Variants in BTBD3 observed in about 807,000 individuals in gnomAD.
BTBD3 encodes BTB domain containing 3.
A neutral mutation model predicts 41.6 loss-of-function variants in BTBD3; 14 were observed. The observed-to-expected ratio is 0.34, with a 90% CI of 0.22 to 0.53. BTBD3 has a LOEUF of 0.53. Ranked by LOEUF, BTBD3 falls within the 20% of genes least tolerant of loss-of-function variation. The pLI, the probability that BTBD3 is intolerant of heterozygous loss-of-function variation, is 0.95. For missense variants in BTBD3, 426 were observed against 654.7 expected, an observed-to-expected ratio of 0.65 and a Z score of 3.81; for synonymous variants, 249 against 233.7, an observed-to-expected ratio of 1.07 and a Z score of -0.60.
At chr20:11,896,491 G>A (rs1349244733) in intron 1 of BTBD3, among the ~76,000 whole-genome samples, 1 of 152,162 alleles carries the variant, frequency 6.6e-6, no homozygotes, top group African/African-American at 2.4e-5. Flanking sequence ...TTAGCATTCT[G>A]TAACGTTATA....
At chr20:11,895,499 G>T (rs1332251766) in intron 1 of BTBD3, among the ~76,000 whole-genome samples, 1 of 152,126 alleles carries the variant, frequency 6.6e-6, no homozygotes, top group Non-Finnish European at 1.5e-5. Flanking sequence ...CATTTGTAGG[G>T]TCTTCTTGGG....
At chr20:11,913,619 A>G (rs554379262), upstream of BTBD3, 2 of 152,274 alleles carry the variant, frequency 1.3e-5, no homozygotes, top group South Asian at 4.1e-4. Flanking sequence ...GTGTTGCCCC[A>G]CTTCTTTACT....
chr20:11,917,601 T>C (rs2056927023), upstream of BTBD3, among the ~76,000 whole-genome samples: 1 of 152,232 alleles, frequency 6.6e-6, no homozygotes, highest in South Asian at 2.1e-4. Flanking sequence ...CTTTGTTAAT[T>C]GATCCTGCTT....
At chr20:11,903,302 T>A (rs367776047) in intron 1 of BTBD3, among the ~76,000 whole-genome samples, 1 of 152,190 alleles carries the variant, frequency 6.6e-6, no homozygotes, top group Non-Finnish European at 1.5e-5. Flanking sequence ...ATCTTAAACA[T>A]TGGCAGCCAT....
At chr20:11,919,059 G>T (rs1181681107) in intron 1 of BTBD3, 27 bp from the exon 2 acceptor site, 1 of 1,561,678 alleles carries the variant, frequency 6.4e-7, no homozygotes, top group Non-Finnish European at 8.8e-7. Context: ...AGGCTGCTGT[G>T]AATTAATGAG....
rs867698326 is a variant in BTBD3 at position 11,923,059 on chromosome 20, G to A, written c.962G>A (p.Arg321His). The change falls in exon 4 of 4, where the codon CGC (arginine) becomes CAC (histidine). Residue 321 changes from arginine to histidine, a missense_variant. Physicochemically the swap from Arg to His is conservative, Grantham distance 29. Coordinates refer to ENST00000378226, the MANE Select transcript of BTBD3 (RefSeq NM_014962.4). The surrounding 1 kb of genome is among the most constrained non-coding windows in gnomAD (Gnocchi z 5.3). The part of the protein sequence containing the change: ...KVLGKALYLI[R>H]IPTMALDDFA... ...CTAGGAAAGGCACTTTACTTGATCC[G>A]CATACCCACAATGGCCCTCGATGAT... 1.2e-6 allele frequency: 2 copies of A among 1,614,018 alleles called. No homozygotes were observed. Among genetic ancestry groups the A allele is most frequent in the South Asian group, 1.1e-5 (1 of 91,084 alleles).
At chr20:11,918,829 G>A in intron 1 of BTBD3, 1 of 576,874 alleles carries the variant, frequency 1.7e-6, no homozygotes, top group Non-Finnish European at 3.0e-6. Context: ...GGTTGTCTAT[G>A]GGCCATAGAA....
chr20:11,900,958 G>T (rs2122196489), intron 1 of BTBD3, among the ~76,000 whole-genome samples: 1 of 152,154 alleles, frequency 6.6e-6, no homozygotes, highest in African/African-American at 2.4e-5. Flanking sequence ...TGATCTGCCT[G>T]CCTCAGCCTC....
At position 11,923,269 on chromosome 20, in the gene BTBD3, G is replaced by A. The variant is rs368565346; in HGVS notation, c.1172G>A (p.Arg391His). The A allele has an allele frequency of 1.1e-5, 17 of 1,614,086 alleles. No individual in the cohort carries two copies. Among genetic ancestry groups the A allele is most frequent in the African/African-American group, 5.3e-5 (4 of 74,932 alleles). ...TATCGAAGCAACCAATGGCGCTATCGTGGTCGCTGTGACAGCATCCAGTTT... is the reference window on the plus strand; with the variant it reads ...TATCGAAGCAACCAATGGCGCTATCATGGTCGCTGTGACAGCATCCAGTTT... ...CAYRSNQWRY[R>H]GRCDSIQFAV... The change falls in exon 4 of 4, where the codon CGT becomes CAT. Residue 391 changes from arginine to histidine, a missense_variant. Physicochemically the swap from Arg to His is conservative, Grantham distance 29. This residue lies in a region of BTBD3 where 321 missense variants were observed against 534.8 expected (regional missense o/e 0.60). Coordinates refer to ENST00000378226, the MANE Select transcript of BTBD3 (RefSeq NM_014962.4). The surrounding 1 kb of genome is among the most constrained non-coding windows in gnomAD (Gnocchi z 5.3).
At position 11,920,368 on chromosome 20, in the gene BTBD3, C is replaced by T. The variant is rs75710119; in HGVS notation, c.536+532C>T. On this transcript the variant is annotated intron_variant, in intron 3 of 3. Coordinates refer to ENST00000378226, the MANE Select transcript of BTBD3 (RefSeq NM_014962.4). ...ACATACTCATATAAAATCAGACACT[C>T]TCAAGGGTAAAAAGTACTTGCATTT... Among the ~76,000 whole-genome samples, 10 of 152,256 alleles carry T rather than the reference C, an allele frequency of 6.6e-5. No individual in the cohort carries two copies. The East Asian group carries it at 1.7e-3, about 26-fold the overall frequency.
At chr20:11,911,598 G>C (rs2056889942) in intron 1 of BTBD3, among the ~76,000 whole-genome samples, 1 of 152,152 alleles carries the variant, frequency 6.6e-6, no homozygotes, top group Non-Finnish European at 1.5e-5. Flanking sequence ...ATCTCATAAT[G>C]TTTTAAGAAA....
intron 1 of BTBD3, among the ~76,000 whole-genome samples, chr20:11,898,361 A>AC (rs377754824): frequency 0.013 from 1,887 of 150,322 alleles, 30 homozygotes; most frequent in African/African-American, 0.04. Flanking sequence ...TATTTATCCT[A>AC]CCCCCCCAGC....
At chr20:11,901,261 T>G (rs1017293610) in intron 1 of BTBD3, among the ~76,000 whole-genome samples, 2 of 152,172 alleles carry the variant, frequency 1.3e-5, no homozygotes, top group Non-Finnish European at 2.9e-5. Flanking sequence ...GACATCAGTG[T>G]TGGGTGGAGG....
intron 1 of BTBD3, among the ~76,000 whole-genome samples, chr20:11,899,967 T>G (rs8126083): frequency 0.016 from 2,427 of 152,260 alleles, 63 homozygotes; most frequent in African/African-American, 0.054. Flanking sequence ...AATGTGAAAA[T>G]TTTCTTCAAC....
At chr20:11,917,262 A>T (rs1237117342), upstream of BTBD3, among the ~76,000 whole-genome samples, 1 of 152,140 alleles carries the variant, frequency 6.6e-6, no homozygotes, top group East Asian at 1.9e-4. Flanking sequence ...GCTTTAGTGT[A>T]CTTAGGTGTA....
upstream of BTBD3, among the ~76,000 whole-genome samples, chr20:11,917,024 A>C (rs372141175): frequency 9.1e-4 from 138 of 152,314 alleles, no homozygotes; most frequent in Non-Finnish European, 1.8e-3. Context: ...GTGGAATCCG[A>C]ACATTTATCA....
At chr20:11,890,823 T>G in exon 1 of BTBD3, 2 of 985,052 alleles carry the variant, frequency 2.0e-6, no homozygotes, top group Non-Finnish European at 2.4e-6. Flanking sequence ...CCGCAGAGCG[T>G]GCCCTGCGTG....
chr20:11,919,556 C>A (rs186821602), intron 2 of BTBD3, 162 bp from the exon 3 acceptor site: 871 of 1,124,800 alleles, frequency 7.7e-4, no homozygotes, highest in Non-Finnish European at 1.1e-3. Flanking sequence ...TGGTCTTATG[C>A]TTCCATGGCA....
chr20:11,892,808 CTT>C (rs1433065924), intron 1 of BTBD3, among the ~76,000 whole-genome samples: 1 of 151,998 alleles, frequency 6.6e-6, no homozygotes, highest in East Asian at 1.9e-4. Context: ...TAAGTTATAT[CTT>C]ATATTTAAAA....
Sources: allele counts gnomAD v4.1 joint callset (sites outside exome capture counted in the v4.1 genomes callset), GRCh38; gene constraint gnomAD v4.1.1; regional missense constraint gnomAD v4.1.1; non-coding constraint Gnocchi (gnomAD v3.1); transcripts MANE v1.5; gene names NCBI Gene and HGNC (gene_info 2026-07-23, HGNC 2026-07-21).